Variants in CLINT1 observed in about 807,000 individuals in gnomAD.
The protein encoded by CLINT1 is clathrin interactor 1, also known as clathrin interacting protein localized in the trans-Golgi region.
In CLINT1, 15 loss-of-function variants were observed where a neutral mutation model predicts 70.4. That is an observed-to-expected ratio of 0.21 (90% CI 0.14 to 0.33). The LOEUF (loss-of-function observed/expected upper bound fraction) is 0.33, where lower values mean the gene tolerates loss of function less well. Ranked by LOEUF, CLINT1 falls within the 10% of genes least tolerant of loss-of-function variation. The pLI is 1.00. For synonymous variants in CLINT1, 227 were observed against 254.7 expected (o/e 0.89, Z 1.04); for missense variants, 615 against 778.1 (o/e 0.79, Z 2.49).
At chr5:157,834,624 C>A (rs1319828738) in intron 1 of CLINT1, among the ~76,000 whole-genome samples, 1 of 152,136 alleles carries the variant, frequency 6.6e-6, no homozygotes, top group Non-Finnish European at 1.5e-5. Context: ...AGCATTACTG[C>A]CTTAACAATA....
At chr5:157,805,841 A>G in intron 7 of CLINT1, 25 bp downstream of exon 7, 1 of 1,613,420 alleles carries the variant, frequency 6.2e-7, no homozygotes, top group East Asian at 2.2e-5. Context: ...ACCATGTATA[A>G]TGTGTAAACT....
rs1251405885 is a variant in CLINT1, at chr5:157,791,849, C to T, written c.1234G>A (p.Gly412Ser). Residue 412 changes from glycine to serine, a missense_variant, in exon 10 of 12, where the codon GGC becomes AGC. Physicochemically the swap from Gly to Ser is moderately conservative, Grantham distance 56. Transcript: ENST00000411809. Reference sequence around the variant, plus strand: ...GAATTTGAGGCAGCAGGAGGTGGGCCTAGAGCTGATTGTGAGCCACTAACA... The same window carrying T: ...GAATTTGAGGCAGCAGGAGGTGGGCTTAGAGCTGATTGTGAGCCACTAACA... The part of the protein sequence containing the change: ...ELVSGSQSAL[G>S]PPPAASNSSD... 6.2e-7 allele frequency: 1 copy of T among 1,613,886 alleles called. No homozygotes were observed. The highest frequency in any genetic ancestry group is 1.7e-5 in the Admixed American group (1 of 60,014).
At chr5:157,840,535 T>C (rs1753136802) in intron 1 of CLINT1, among the ~76,000 whole-genome samples, 1 of 151,400 alleles carries the variant, frequency 6.6e-6, no homozygotes, top group Non-Finnish European at 1.5e-5. Flanking sequence ...GGGCATGATG[T>C]ATATAATCTA....
At chr5:157,819,234 G>GA (rs1165811853) in intron 1 of CLINT1, among the ~76,000 whole-genome samples, 8 of 152,104 alleles carry the variant, frequency 5.3e-5, no homozygotes, top group Non-Finnish European at 1.2e-4. Flanking sequence ...CCAAAAAACT[G>GA]AATCAATCTG....
At chr5:157,808,023 G>C (rs1466549668) in intron 6 of CLINT1, among the ~76,000 whole-genome samples, 1 of 152,028 alleles carries the variant, frequency 6.6e-6, no homozygotes, top group Non-Finnish European at 1.5e-5. Flanking sequence ...CTTATTTTTA[G>C]CACTTTGAAT....
intron 3 of CLINT1, 43 bp downstream of exon 3, chr5:157,816,691 G>T: frequency 7.2e-7 from 1 of 1,379,938 alleles, no homozygotes; most frequent in Non-Finnish European, 1.0e-6. Flanking sequence ...TCCAGCATTT[G>T]TTTTCAACAT....
intron 10 of CLINT1, 145 bp from the exon 11 acceptor site, chr5:157,789,658 C>G (rs565333129): frequency 1.3e-5 from 13 of 995,976 alleles, no homozygotes; most frequent in East Asian, 1.0e-4. Flanking sequence ...ACTTCTGAAA[C>G]AAAAAGAACC....
At chr5:157,835,801 A>C (rs1268007752) in intron 1 of CLINT1, among the ~76,000 whole-genome samples, 1 of 152,202 alleles carries the variant, frequency 6.6e-6, no homozygotes, top group Non-Finnish European at 1.5e-5. Flanking sequence ...AATTAACTCA[A>C]TGACCCCTTG....
intron 1 of CLINT1, among the ~76,000 whole-genome samples, chr5:157,836,215 T>A (rs1763418138): frequency 6.6e-6 from 1 of 152,200 alleles, no homozygotes; most frequent in African/African-American, 2.4e-5. Context: ...CCAGGCATTG[T>A]CCTAAGCCAC....
intron 4 of CLINT1, 57 bp from the exon 5 acceptor site, chr5:157,813,284 C>A: frequency 2.1e-6 from 3 of 1,444,896 alleles, no homozygotes; most frequent in Admixed American, 2.3e-5. Flanking sequence ...ATGTATCAAG[C>A]TCTTTAAGAT....
In CLINT1 at chr5:157,816,717, C is replaced by T. The variant is rs776298431; in HGVS notation, c.243+17G>A. 2 of 1,559,858 alleles carry T rather than the reference C, an allele frequency of 1.3e-6. No individual in the cohort carries two copies. Among genetic ancestry groups the T allele is most frequent in the South Asian group, 2.3e-5 (2 of 88,260 alleles). ...TTTTCAACATGTCAAGTAATTAAAG[C>T]AGACTTGTGTCCATACCTTATAAAC... is the stretch of plus-strand genomic sequence containing the variant. On this transcript the variant is annotated intron_variant, in intron 3 of 11. Transcript: ENST00000411809.
At chr5:157,850,853 G>A (rs978697280) in intron 1 of CLINT1, among the ~76,000 whole-genome samples, 2 of 151,824 alleles carry the variant, frequency 1.3e-5, no homozygotes, top group African/African-American at 4.8e-5. Context: ...AGAGTGCAGT[G>A]GCACAATCAC....
At chr5:157,849,798 C>G (rs1188151473) in intron 1 of CLINT1, among the ~76,000 whole-genome samples, 1 of 152,110 alleles carries the variant, frequency 6.6e-6, no homozygotes, top group African/African-American at 2.4e-5. Flanking sequence ...TTAGAAATAT[C>G]TGGATTTAAA....
chr5:157,805,376 T>C (rs1337515632), intron 7 of CLINT1, among the ~76,000 whole-genome samples: 1 of 152,180 alleles, frequency 6.6e-6, no homozygotes, highest in Admixed American at 6.5e-5. Flanking sequence ...CAAACGAAGA[T>C]GGTACAAGAG....
At chr5:157,849,978 A>G (rs187599304) in intron 1 of CLINT1, among the ~76,000 whole-genome samples, 13 of 152,254 alleles carry the variant, frequency 8.5e-5, no homozygotes, top group Admixed American at 8.5e-4. Flanking sequence ...AGATGAATAC[A>G]TGTAACAGAG....
In CLINT1 at chr5:157,817,542, T is replaced by C. The variant is rs765389594; in HGVS notation, c.47A>G (p.Asn16Ser). ...GATCTCTGAATAATTCATAACAACA[T>C]TGGTGCTGTAGAGGAAAAAAATGCA... is the stretch of plus-strand genomic sequence containing the variant. Reference protein sequence around the residue: ...KVRELVDKATNVVMNYSEIES... With the variant: ...KVRELVDKATSVVMNYSEIES... Residue 16 changes from asparagine to serine, a missense_variant, in exon 2 of 12, where the codon AAT becomes AGT. Asn to Ser is a conservative substitution (Grantham distance 46). Coordinates refer to ENST00000411809, the MANE Select transcript of CLINT1 (RefSeq NM_014666.4). The C allele has an allele frequency of 1.8e-5, 29 of 1,593,232 alleles. No homozygotes were observed. Among genetic ancestry groups the C allele is most frequent in the African/African-American group, 6.7e-5 (5 of 74,602 alleles).
chr5:157,833,031 T>C (rs1561664908), intron 1 of CLINT1, among the ~76,000 whole-genome samples: 1 of 152,116 alleles, frequency 6.6e-6, no homozygotes, highest in Non-Finnish European at 1.5e-5. Flanking sequence ...ATTTTAAATC[T>C]AGTAAAGGCT....
rs773988633 is a variant in CLINT1, at chr5:157,813,085, G to A, written c.495C>T (p.Asp165=). Residue 165 remains aspartate, a synonymous_variant, in exon 5 of 12, where the codon GAC becomes GAT. Coordinates refer to ENST00000411809, the MANE Select transcript of CLINT1 (RefSeq NM_014666.4). Reference sequence around the variant, plus strand: ...CACTGTATCTGAATCCTCCAACACTGTCTGAGGAAACCCCAACATACTTGT... The same window carrying A: ...CACTGTATCTGAATCCTCCAACACTATCTGAGGAAACCCCAACATACTTGT... ...NKDKYVGVSS[D]SVGGFRYSER... is the part of the protein sequence containing the mutation. 6.2e-7 allele frequency: 1 copy of A among 1,613,796 alleles called. No homozygotes were observed. The highest frequency in any genetic ancestry group is 1.3e-5 in the African/African-American group (1 of 75,024).
chr5:157,813,256 C>G, intron 4 of CLINT1, 29 bp from the exon 5 acceptor site: 1 of 1,578,712 alleles, frequency 6.3e-7, no homozygotes, highest in Non-Finnish European at 8.6e-7. Flanking sequence ...ATAAGCAAAA[C>G]CTAAGAATTC....
Sources: allele counts gnomAD v4.1 joint callset (sites outside exome capture counted in the v4.1 genomes callset), GRCh38; gene constraint gnomAD v4.1.1; transcripts MANE v1.5; gene names NCBI Gene and HGNC (gene_info 2026-07-23, HGNC 2026-07-21).